Variants in MACROD2 observed in about 807,000 individuals in gnomAD.
MACROD2 encodes mono-ADP ribosylhydrolase 2.
Under a neutral mutation model 70.4 loss-of-function variants are expected in MACROD2, and 36 were observed. The observed-to-expected ratio is 0.51, with a 90% CI of 0.39 to 0.68. The LOEUF is 0.68. MACROD2 is among the 30% of genes least tolerant of loss of function. The pLI is 0.00. For missense variants in MACROD2, 496 were observed against 538.4 expected, an observed-to-expected ratio of 0.92 and a Z score of 0.78; for synonymous variants, 172 against 178.8, an observed-to-expected ratio of 0.96 and a Z score of 0.30.
intron 8 of MACROD2, among the ~76,000 whole-genome samples, chr20:15,647,003 C>T (rs1312154690): frequency 1.3e-5 from 2 of 152,222 alleles, no homozygotes; most frequent in African/African-American, 4.8e-5. Context: ...CTTCACCTGA[C>T]CATATTGCAT....
intron 8 of MACROD2, among the ~76,000 whole-genome samples, chr20:15,768,827 T>C (rs2051572308): frequency 6.6e-6 from 1 of 152,222 alleles, no homozygotes. Context: ...GTATTTATTT[T>C]CACTTTTCAG....
chr20:14,823,788 G>A (rs144495483), intron 5 of MACROD2, among the ~76,000 whole-genome samples: 42 of 152,076 alleles, frequency 2.8e-4, no homozygotes, highest in African/African-American at 9.9e-4. Context: ...TTGTTTGTTT[G>A]TTTGTTTGTT....
intron 7 of MACROD2, among the ~76,000 whole-genome samples, chr20:15,434,647 C>T (rs2046405782): frequency 6.6e-6 from 1 of 152,000 alleles, no homozygotes. Context: ...ACTACCATTC[C>T]ATCCAGCAAT....
chr20:14,581,660 A>G (rs1370902669), intron 4 of MACROD2, among the ~76,000 whole-genome samples: 1 of 152,204 alleles, frequency 6.6e-6, no homozygotes, highest in Non-Finnish European at 1.5e-5. Context: ...TGATGGACAG[A>G]GTGCATTTTA....
chr20:15,552,096 T>C (rs1383433908), intron 8 of MACROD2: 1 of 152,126 alleles, frequency 6.6e-6, no homozygotes, highest in Non-Finnish European at 1.5e-5. Context: ...GGTAAGTATA[T>C]GGAGTAGGAA....
Position 14,296,634 on chromosome 20 carries a change from A to C in MACROD2, c.272-196845A>C, listed in dbSNP as rs1392699049. Among the ~76,000 whole-genome samples the C allele has an allele frequency of 3.9e-5, 6 of 151,984 alleles. 1 individual carries two copies. The highest frequency in any genetic ancestry group is 7.3e-5 in the African/African-American group (3 of 41,276). ...GCTTGAAGAGATGCAAATTTAGGTA[A>C]ACTATTAAGCAAAGCAAGTAAATAA... On this transcript the variant is annotated intron_variant, in intron 3 of 17. Coordinates refer to ENST00000684519, the MANE Select transcript of MACROD2 (RefSeq NM_001351661.2).
intron 4 of MACROD2, among the ~76,000 whole-genome samples, chr20:14,503,805 G>A (rs2084941114): frequency 6.6e-6 from 1 of 152,190 alleles, no homozygotes; most frequent in African/African-American, 2.4e-5. Context: ...CATGCCTGCA[G>A]GGTCAGCTTT....
At chr20:14,013,194 A>G (rs760223680) in intron 2 of MACROD2, among the ~76,000 whole-genome samples, 1 of 151,602 alleles carries the variant, frequency 6.6e-6, no homozygotes, top group African/African-American at 2.4e-5. Context: ...AAATGTTCCA[A>G]TATATTTATT....
At chr20:14,906,278 G>T (rs927934854) in intron 5 of MACROD2, among the ~76,000 whole-genome samples, 3 of 152,168 alleles carry the variant, frequency 2.0e-5, no homozygotes, top group Admixed American at 1.3e-4. Flanking sequence ...TGTGTCACTT[G>T]AGGTCAGGGG....
chr20:14,465,664 C>G (rs377974), intron 3 of MACROD2, among the ~76,000 whole-genome samples: 69,778 of 151,920 alleles, frequency 0.46, 17,149 homozygotes, highest in East Asian at 0.82. Context: ...TTTTGCAGTG[C>G]CTGGTACCGG....
intron 3 of MACROD2, among the ~76,000 whole-genome samples, chr20:14,273,860 C>T (rs1398898373): frequency 6.6e-6 from 1 of 152,070 alleles, no homozygotes. Flanking sequence ...GAGAATACTA[C>T]AAACACCTCT....
At chr20:15,771,199 A>C (rs2051618975) in intron 8 of MACROD2, among the ~76,000 whole-genome samples, 1 of 151,940 alleles carries the variant, frequency 6.6e-6, no homozygotes, top group Non-Finnish European at 1.5e-5. Flanking sequence ...TTTTGAGACA[A>C]GGTCTCCCTC....
At chr20:14,700,284 A>T (rs1208054537) in intron 5 of MACROD2, among the ~76,000 whole-genome samples, 1 of 151,956 alleles carries the variant, frequency 6.6e-6, no homozygotes, top group African/African-American at 2.4e-5. Context: ...TTCATGCAAG[A>T]TCTTAGGTGC....
intron 5 of MACROD2, among the ~76,000 whole-genome samples, chr20:14,985,375 A>G (rs1367789962): frequency 6.6e-6 from 1 of 152,160 alleles, no homozygotes; most frequent in African/African-American, 2.4e-5. Flanking sequence ...ACAGGAAGGA[A>G]GTTCACTTTG....
chr20:14,405,845 T>A (rs990946334), intron 3 of MACROD2, among the ~76,000 whole-genome samples: 2 of 152,182 alleles, frequency 1.3e-5, no homozygotes, highest in African/African-American at 4.8e-5. Context: ...GTAATAATTG[T>A]GAAGAATCTA....
At chr20:14,851,005 A>C (rs1054629615) in intron 5 of MACROD2, among the ~76,000 whole-genome samples, 3 of 152,106 alleles carry the variant, frequency 2.0e-5, no homozygotes, top group Admixed American at 6.6e-5. Context: ...TTGTGTTGTG[A>C]TAGGACATAC....
chr20:15,457,408 T>A (rs1453924971), intron 7 of MACROD2, among the ~76,000 whole-genome samples: 2 of 152,126 alleles, frequency 1.3e-5, no homozygotes, highest in African/African-American at 4.8e-5. Flanking sequence ...TAATCAGGCA[T>A]AATCTCATAA....
chr20:14,375,235 TTAAG>T (rs969461620), intron 3 of MACROD2, among the ~76,000 whole-genome samples: 16 of 151,984 alleles, frequency 1.1e-4, no homozygotes, highest in African/African-American at 3.9e-4. Flanking sequence ...GACAAAAATA[TTAAG>T]TGAGGTGAAA....
chr20:14,138,434 A>T (rs1163737038), intron 3 of MACROD2, among the ~76,000 whole-genome samples: 2 of 152,222 alleles, frequency 1.3e-5, no homozygotes, highest in Non-Finnish European at 2.9e-5. Flanking sequence ...GCCTTTAAAA[A>T]AAAGGAAATT....
Sources: allele counts gnomAD v4.1 joint callset (sites outside exome capture counted in the v4.1 genomes callset), GRCh38; gene constraint gnomAD v4.1.1; transcripts MANE v1.5; gene names NCBI Gene and HGNC (gene_info 2026-07-23, HGNC 2026-07-21).